The following RBFOX1 variants were observed in gnomAD, a reference collection of about 807,000 sequenced individuals.
RBFOX1 encodes the protein RNA binding fox-1 homolog 1, also known as RNA binding protein fox-1 homolog 1.
RBFOX1 carries 8 observed loss-of-function variants against 57.7 expected under a neutral mutation model. The observed-to-expected ratio is 0.14, with a 90% CI of 0.08 to 0.25. The LOEUF is 0.25. Among genes scored for constraint, RBFOX1 ranks in the 10% least tolerant of loss-of-function variants. RBFOX1 has a pLI of 1.00. For synonymous variants in RBFOX1, 326 were observed against 222.4 expected (o/e 1.47, Z -4.15); for missense variants, 611 against 548.5 (o/e 1.11, Z -1.14).
At chr16:5,759,660 C>G (rs761749702) in intron 3 of RBFOX1, among the ~76,000 whole-genome samples, 1 of 152,190 alleles carries the variant, frequency 6.6e-6, no homozygotes, top group Non-Finnish European at 1.5e-5. Context: ...ATGCTGATCT[C>G]CTTTCCTGTC....
chr16:7,060,074 T>G (rs917352656), intron 4 of RBFOX1, among the ~76,000 whole-genome samples: 9 of 152,178 alleles, frequency 5.9e-5, no homozygotes, highest in Admixed American at 5.9e-4. Flanking sequence ...TCATTCCACT[T>G]TAATCAAACC....
intron 4 of RBFOX1, among the ~76,000 whole-genome samples, chr16:7,405,297 GC>G (rs930859373): frequency 5.3e-5 from 8 of 152,164 alleles, no homozygotes; most frequent in South Asian, 4.1e-4. Flanking sequence ...TCTCCTGGTA[GC>G]CCCCCCGCTG....
At chr16:6,275,969 A>G (rs1323075606) in intron 1 of RBFOX1, among the ~76,000 whole-genome samples, 1 of 152,204 alleles carries the variant, frequency 6.6e-6, no homozygotes, top group African/African-American at 2.4e-5. Flanking sequence ...CATTGCCTTA[A>G]TTCATTGATT....
intron 4 of RBFOX1, among the ~76,000 whole-genome samples, chr16:7,462,519 C>T (rs1447951876): frequency 2.0e-5 from 3 of 152,202 alleles, no homozygotes; most frequent in Non-Finnish European, 4.4e-5. Context: ...ACAAAAAAAC[C>T]CGCCATGTAT....
At chr16:7,604,051 T>G (rs2095176465) in intron 9 of RBFOX1, among the ~76,000 whole-genome samples, 1 of 152,132 alleles carries the variant, frequency 6.6e-6, no homozygotes, top group Non-Finnish European at 1.5e-5. Context: ...CTTTTCAAGT[T>G]TTAACCAACA....
chr16:5,946,697 A>G lies in RBFOX1; in HGVS notation c.351+79362A>G, dbSNP rs570478322. On this transcript the variant is annotated intron_variant, in intron 4 of 19. Coordinates refer to the RBFOX1 transcript ENST00000641259. The surrounding 1 kb of genome is among the most constrained non-coding windows in gnomAD (Gnocchi z 4.6). ...ATCTCTGATTTATAACCAGATGGTGAGAAGGGAAGTACAGGCTTGCTCTGA... is the reference window on the plus strand; with the variant it reads ...ATCTCTGATTTATAACCAGATGGTGGGAAGGGAAGTACAGGCTTGCTCTGA... 2.1e-4 allele frequency among the ~76,000 whole-genome samples: 32 copies of G among 152,286 alleles called. No individual in the cohort carries two copies. Among genetic ancestry groups the G allele is most frequent in the Non-Finnish European group, 3.8e-4 (26 of 68,032 alleles).
intron 3 of RBFOX1, among the ~76,000 whole-genome samples, chr16:6,766,922 C>G (rs2077411703): frequency 6.6e-6 from 1 of 152,208 alleles, no homozygotes; most frequent in African/African-American, 2.4e-5. Context: ...TGGCATGAAG[C>G]TCTGAATGCA....
chr16:5,424,870 C>CTT (rs1204007994), intron 1 of RBFOX1, among the ~76,000 whole-genome samples: 5 of 124,966 alleles, frequency 4.0e-5, no homozygotes, highest in African/African-American at 1.7e-4. Flanking sequence ...TTCTTTCTTT[C>CTT]TTTTTTTTCT....
chr16:7,461,144 T>G (rs1365646693), intron 4 of RBFOX1, among the ~76,000 whole-genome samples: 2 of 152,060 alleles, frequency 1.3e-5, no homozygotes, highest in East Asian at 3.9e-4. Context: ...TGATAAGAAT[T>G]GACTGAGGAT....
intron 1 of RBFOX1, among the ~76,000 whole-genome samples, chr16:5,327,176 T>G (rs984581450): frequency 1.3e-5 from 2 of 152,144 alleles, no homozygotes; most frequent in African/African-American, 4.8e-5. Flanking sequence ...ACCTGGAGAT[T>G]CCAAAAATTT....
rs190398922 is a variant in RBFOX1 at position 5,381,049 on chromosome 16, C to T, written c.220-86167C>T. Reference sequence around the variant, plus strand: ...CTTTGGAACTCCCTTGGAGAGGCCTCGTAGACCATGAGTCATTTACACCAT... The same window carrying T: ...CTTTGGAACTCCCTTGGAGAGGCCTTGTAGACCATGAGTCATTTACACCAT... On this transcript the variant is annotated intron_variant, in intron 1 of 2. Transcript: ENST00000585867. Among the ~76,000 whole-genome samples the T allele has an allele frequency of 3.5e-4, 54 of 152,262 alleles. No homozygotes were observed. In the South Asian group the frequency reaches 3.9e-3, roughly 11 times the overall value.
intron 4 of RBFOX1, among the ~76,000 whole-genome samples, chr16:7,394,796 A>G (rs1466509386): frequency 6.6e-6 from 1 of 152,158 alleles, no homozygotes; most frequent in African/African-American, 2.4e-5. Flanking sequence ...ATAAATGATC[A>G]GATCGCTGCT....
At position 6,223,521 on chromosome 16, in the gene RBFOX1, A is replaced by G. The variant is rs552674074; in HGVS notation, c.-126-93474A>G. On this transcript the variant is annotated intron_variant, in intron 1 of 15. Coordinates refer to ENST00000550418, the MANE Select transcript of RBFOX1 (RefSeq NM_018723.4). ...CTTCTTTTGAGAAGTGTCTGTTCAT[A>G]TCCTTTGCCCAGTTTTTGTTGGGGT... Among the ~76,000 whole-genome samples, 494 of 152,180 alleles carry G rather than the reference A, an allele frequency of 3.2e-3. 1 individual carries two copies. Among genetic ancestry groups the G allele is most frequent in the Non-Finnish European group, 5.4e-3 (367 of 68,028 alleles).
chr16:5,623,331 G>A (rs942915555), intron 3 of RBFOX1, among the ~76,000 whole-genome samples: 2 of 152,128 alleles, frequency 1.3e-5, no homozygotes, highest in African/African-American at 4.8e-5. Flanking sequence ...CACCTAGGCA[G>A]TTCCTCAAAA....
chr16:5,372,097 T>C lies in RBFOX1; in HGVS notation c.220-95119T>C, dbSNP rs1383066281. 3.3e-5 allele frequency among the ~76,000 whole-genome samples: 5 copies of C among 152,184 alleles called. No homozygotes were observed. The East Asian group carries it at 9.6e-4, about 29-fold the overall frequency. ...TTCAGATATTTCCTTTGCAGCCCAG[T>C]GGGTCTAACAAGCTCTAAGATGAAG... On this transcript the variant is annotated intron_variant, in intron 1 of 2. Coordinates refer to the RBFOX1 transcript ENST00000585867.
At chr16:6,201,675 A>G (rs1304486141) in intron 1 of RBFOX1, among the ~76,000 whole-genome samples, 1 of 152,170 alleles carries the variant, frequency 6.6e-6, no homozygotes, top group Non-Finnish European at 1.5e-5. Flanking sequence ...TGGAATTAGA[A>G]TGTTCCTAAC....
chr16:7,119,422 A>G (rs2066620192), intron 4 of RBFOX1, among the ~76,000 whole-genome samples: 1 of 152,138 alleles, frequency 6.6e-6, no homozygotes, highest in South Asian at 2.1e-4. Context: ...AGGAAACTCA[A>G]ATTACTTTGG....
chr16:5,997,417 T>C (rs1394782819), intron 4 of RBFOX1, among the ~76,000 whole-genome samples: 4 of 152,228 alleles, frequency 2.6e-5, no homozygotes, highest in Admixed American at 1.3e-4. Context: ...GGATTGATGG[T>C]ATAATTAAAA....
intron 1 of RBFOX1, among the ~76,000 whole-genome samples, chr16:6,149,460 C>A (rs1192471972): frequency 1.3e-5 from 2 of 152,206 alleles, no homozygotes; most frequent in Admixed American, 6.5e-5. Context: ...CTTTTACCAT[C>A]TTGAAATTCT....
Sources: gnomAD v4.1 joint callset for allele counts (sites outside exome capture counted in the v4.1 genomes callset) on GRCh38, gnomAD v4.1.1 for gene constraint, Gnocchi (gnomAD v3.1) non-coding constraint, MANE v1.5 for transcripts, NCBI Gene and HGNC (gene_info 2026-07-23, HGNC 2026-07-21) for gene names.